The following ARID2 variants were observed in gnomAD, a reference collection of about 807,000 sequenced individuals.
ARID2 encodes the protein AT-rich interactive domain-containing protein 2.
ARID2 carries 32 observed loss-of-function variants against 184.6 expected under a neutral mutation model. That is an observed-to-expected ratio of 0.17 (90% CI 0.13 to 0.23). The LOEUF (loss-of-function observed/expected upper bound fraction) is 0.23, where lower values mean the gene tolerates loss of function less well. Among genes scored for constraint, ARID2 ranks in the 10% least tolerant of loss-of-function variants. The pLI is 1.00. For missense variants in ARID2, 1,696 were observed against 2,197.6 expected (o/e 0.77, Z 4.56); for synonymous variants, 836 against 772.6 (o/e 1.08, Z -1.36).
chr12:45,730,481 GC>G (rs1022143439), intron 2 of ARID2, among the ~76,000 whole-genome samples: 1 of 150,946 alleles, frequency 6.6e-6, no homozygotes, highest in African/African-American at 2.4e-5. Flanking sequence ...CTCCCGCGCC[GC>G]CCGCCCGCTC....
chr12:45,857,019 T>TA (rs1382279045), intron 15 of ARID2, among the ~76,000 whole-genome samples: 4 of 152,146 alleles, frequency 2.6e-5, no homozygotes, highest in Non-Finnish European at 5.9e-5. Flanking sequence ...AAAGAATTTA[T>TA]AAAATGAAAG....
intron 3 of ARID2, among the ~76,000 whole-genome samples, chr12:45,791,204 CTGTGTGTGTGTGTGTG>C (rs143314237): frequency 6.8e-6 from 1 of 147,530 alleles, no homozygotes; most frequent in African/African-American, 2.5e-5. Flanking sequence ...AGCACATTTT[CTGTGTGTGTGTGTGTG>C]TGTGTGTGTG....
intron 6 of ARID2, among the ~76,000 whole-genome samples, chr12:45,830,871 C>T (rs1464514722): frequency 6.6e-6 from 1 of 152,090 alleles, no homozygotes; most frequent in Non-Finnish European, 1.5e-5. Flanking sequence ...GCCTGGCCAA[C>T]ATGGCAAAAG....
chr12:45,858,584 T>C (rs1411884636), intron 15 of ARID2, among the ~76,000 whole-genome samples: 1 of 152,224 alleles, frequency 6.6e-6, no homozygotes, highest in Non-Finnish European at 1.5e-5. Flanking sequence ...CTCTGAAATA[T>C]GGTTTCCTAT....
At chr12:45,731,539 G>A (rs1940999569) in intron 3 of ARID2, among the ~76,000 whole-genome samples, 1 of 152,080 alleles carries the variant, frequency 6.6e-6, no homozygotes, top group African/African-American at 2.4e-5. Context: ...ATCATTACAG[G>A]TGACACCCCA....
chr12:45,771,925 A>G (rs1242329210), intron 3 of ARID2, among the ~76,000 whole-genome samples: 1 of 152,152 alleles, frequency 6.6e-6, no homozygotes, highest in South Asian at 2.1e-4. Flanking sequence ...TATGTAAAGT[A>G]ATAACTATAA....
intron 3 of ARID2, among the ~76,000 whole-genome samples, chr12:45,745,834 C>T (rs1047711149): frequency 6.6e-6 from 1 of 152,086 alleles, no homozygotes; most frequent in Admixed American, 6.5e-5. Context: ...CAGGCATGAG[C>T]CACTGCGCCT....
At chr12:45,879,780 C>G (rs943168280) in intron 16 of ARID2, among the ~76,000 whole-genome samples, 11 of 152,156 alleles carry the variant, frequency 7.2e-5, no homozygotes, top group African/African-American at 2.7e-4. Context: ...TCATTAAGCA[C>G]AATGTTGACT....
chr12:45,881,819 CT>C, intron 16 of ARID2: 69 of 222,910 alleles, frequency 3.1e-4, no homozygotes, highest in South Asian at 4.4e-4. Context: ...TCCTGTGCCC[CT>C]TTTTTTCCCT....
intron 10 of ARID2, 108 bp downstream of exon 10, chr12:45,837,815 A>G: frequency 1.0e-6 from 1 of 976,718 alleles, no homozygotes; most frequent in Non-Finnish European, 1.5e-6. Flanking sequence ...TTTATTTTGA[A>G]GAGTCATTAC....
intron 12 of ARID2, 53 bp downstream of exon 12, chr12:45,846,990 A>G (rs1943455440): frequency 6.6e-7 from 1 of 1,512,586 alleles, no homozygotes; most frequent in Non-Finnish European, 9.1e-7. Flanking sequence ...TAAAGCAAAG[A>G]AAAAAAGGAA....
intron 18 of ARID2, among the ~76,000 whole-genome samples, chr12:45,892,927 T>C (rs540179060): frequency 1.3e-4 from 20 of 152,334 alleles, no homozygotes; most frequent in South Asian, 2.1e-4. Flanking sequence ...GGAAATGTGG[T>C]ATTTAGCATA....
intron 20 of ARID2, 27 bp from the exon 21 acceptor site, chr12:45,904,907 G>A: frequency 6.2e-7 from 1 of 1,609,130 alleles, no homozygotes; most frequent in Non-Finnish European, 8.5e-7. Flanking sequence ...CTTGGAGACT[G>A]ACAATCTTCT....
intron 3 of ARID2, among the ~76,000 whole-genome samples, chr12:45,732,403 G>T (rs1290418964): frequency 2.0e-5 from 3 of 152,162 alleles, no homozygotes; most frequent in Non-Finnish European, 4.4e-5. Flanking sequence ...TTGACTTCAG[G>T]CTTGAAGCTG....
In ARID2 at chr12:45,780,354, C is replaced by CT. The variant is rs566016284; in HGVS notation, c.285-31060dup. ...CTTATAGTTAAAGAATGACTTCTGC[C>CT]TTTTGGGGGAGGAGTACTTTGCACT... On this transcript the variant is annotated intron_variant, in intron 3 of 20. Transcript: ENST00000334344. Among the ~76,000 whole-genome samples the CT allele has an allele frequency of 3.3e-5, 5 of 152,106 alleles. No homozygotes were observed. In the East Asian group the frequency reaches 7.7e-4, roughly 23 times the overall value.
At chr12:45,865,248 A>G (rs1943814118) in intron 16 of ARID2, among the ~76,000 whole-genome samples, 1 of 152,140 alleles carries the variant, frequency 6.6e-6, no homozygotes, top group Non-Finnish European at 1.5e-5. Flanking sequence ...TCACACCTGT[A>G]CCTTCTTTCT....
At chr12:45,823,030 A>T (rs1942927756) in intron 6 of ARID2, among the ~76,000 whole-genome samples, 1 of 152,140 alleles carries the variant, frequency 6.6e-6, no homozygotes. Context: ...TCTTCTCATC[A>T]GCACATGGAA....
At chr12:45,828,244 T>G (rs184183407) in intron 6 of ARID2, among the ~76,000 whole-genome samples, 2 of 152,208 alleles carry the variant, frequency 1.3e-5, no homozygotes, top group East Asian at 3.9e-4. Context: ...TCTTTTTTTC[T>G]TTTGTTCAAC....
At position 45,849,678 on chromosome 12, in the gene ARID2, C is replaced by T. The variant is rs907763919; in HGVS notation, c.1814C>T (p.Pro605Leu). 1.2e-6 allele frequency: 2 copies of T among 1,613,860 alleles called. No homozygotes were observed. The highest frequency in any genetic ancestry group is 2.2e-5 in the South Asian group (2 of 91,052). The change falls in exon 14 of 21, where the codon CCA becomes CTA. Residue 605 changes from proline to leucine, a missense_variant. Transcript: ENST00000334344. ...GTAGGAGTAAAACGGAGGGCTATAC[C>T]ACTTCCCATTCAGATGTACTATCAG... is the stretch of plus-strand genomic sequence containing the variant. ...HVVGVKRRAI[P>L]LPIQMYYQQQ...
Sources: gnomAD v4.1 joint callset for allele counts (sites outside exome capture counted in the v4.1 genomes callset) on GRCh38, gnomAD v4.1.1 for gene constraint, MANE v1.5 for transcripts, NCBI Gene and HGNC (gene_info 2026-07-23, HGNC 2026-07-21) for gene names.